The following RPH3A variants were observed in gnomAD, a reference collection of about 807,000 sequenced individuals.
RPH3A encodes rabphilin 3A.
RPH3A carries 48 observed loss-of-function variants against 102.2 expected under a neutral mutation model. The ratio of observed to expected loss-of-function variants is 0.47; its 90% CI spans 0.37 to 0.60. The LOEUF (loss-of-function observed/expected upper bound fraction) is 0.60, where lower values mean the gene tolerates loss of function less well. Among genes scored for constraint, RPH3A ranks in the 20% least tolerant of loss-of-function variants. The pLI is 0.00. For missense variants in RPH3A, 781 were observed against 910.1 expected, an observed-to-expected ratio of 0.86 and a Z score of 1.83; for synonymous variants, 310 against 324.3, an observed-to-expected ratio of 0.96 and a Z score of 0.47.
At chr12:112,790,644 A>G (rs1472593879), upstream of RPH3A, among the ~76,000 whole-genome samples, 1 of 152,238 alleles carries the variant, frequency 6.6e-6, no homozygotes, top group African/African-American at 2.4e-5. Flanking sequence ...ACTGGGAGCC[A>G]TGGGAATCCA....
chr12:112,697,604 G>T (rs528106384), intron 1 of RPH3A, among the ~76,000 whole-genome samples: 1 of 152,242 alleles, frequency 6.6e-6, no homozygotes, highest in South Asian at 2.1e-4. Flanking sequence ...GGTGACTCAC[G>T]CCTGAATCCC....
intron 1 of RPH3A, among the ~76,000 whole-genome samples, chr12:112,745,768 C>A (rs191817019): frequency 1.3e-5 from 2 of 152,304 alleles, no homozygotes; most frequent in African/African-American, 4.8e-5. Flanking sequence ...GGGAGTCTGA[C>A]TGCTCACTCC....
intron 1 of RPH3A, among the ~76,000 whole-genome samples, chr12:112,692,294 T>C (rs1361481435): frequency 6.6e-6 from 1 of 152,218 alleles, no homozygotes; most frequent in Non-Finnish European, 1.5e-5. Context: ...TAATGATACA[T>C]AGTTTCAAAT....
chr12:112,576,572 T>C (rs571644747), intron 1 of RPH3A, among the ~76,000 whole-genome samples: 6 of 152,154 alleles, frequency 3.9e-5, no homozygotes, highest in Non-Finnish European at 7.3e-5. Context: ...GCCAGGCTGG[T>C]CTCAAACTCC....
intron 4 of RPH3A, among the ~76,000 whole-genome samples, chr12:112,843,714 T>C (rs1366528324): frequency 1.3e-5 from 2 of 152,110 alleles, no homozygotes. Flanking sequence ...TCAGTTTTGG[T>C]CACTGAGCTG....
intron 1 of RPH3A, among the ~76,000 whole-genome samples, chr12:112,658,124 G>A (rs1410450720): frequency 6.6e-6 from 1 of 152,026 alleles, no homozygotes; most frequent in East Asian, 1.9e-4. Flanking sequence ...CTTTGATGGA[G>A]GAATAGTGGG....
intron 1 of RPH3A, among the ~76,000 whole-genome samples, chr12:112,765,141 G>A (rs2040879412): frequency 6.6e-6 from 1 of 151,156 alleles, no homozygotes; most frequent in African/African-American, 2.5e-5. Context: ...CCTGCTGCGT[G>A]TCTGCATGGT....
At chr12:112,839,584 A>T (rs185597625) in intron 4 of RPH3A, among the ~76,000 whole-genome samples, 1 of 152,326 alleles carries the variant, frequency 6.6e-6, no homozygotes, top group African/African-American at 2.4e-5. Context: ...AGTAAACAGA[A>T]ACACACAAGG....
chr12:112,751,398 G>C (rs1229981439), intron 1 of RPH3A, among the ~76,000 whole-genome samples: 1 of 152,144 alleles, frequency 6.6e-6, no homozygotes, highest in Non-Finnish European at 1.5e-5. Context: ...GACGTTGAAA[G>C]GTTACACACC....
intron 1 of RPH3A, among the ~76,000 whole-genome samples, chr12:112,581,281 TAGAG>T (rs982810798): frequency 1.3e-5 from 2 of 152,058 alleles, no homozygotes; most frequent in African/African-American, 4.8e-5. Flanking sequence ...TGGCAGGCCA[TAGAG>T]AGAGCATGTG....
At chr12:112,589,898 C>T (rs763567562) in intron 1 of RPH3A, among the ~76,000 whole-genome samples, 5 of 152,184 alleles carry the variant, frequency 3.3e-5, no homozygotes, top group South Asian at 2.1e-4. Context: ...GCTTGGCCAA[C>T]GTAGTGAAAT....
At chr12:112,835,836 C>T (rs536705641) in intron 3 of RPH3A, among the ~76,000 whole-genome samples, 12 of 149,278 alleles carry the variant, frequency 8.0e-5, no homozygotes, top group African/African-American at 2.5e-4. Context: ...GAAATGAATG[C>T]GTTTTCTTCT....
rs577799475 is a variant in RPH3A, at chr12:112,773,105, A to ATT, written c.-139-19037_-139-19036dup. ...CTGCATAGTATTCCATCATATATAT[A>ATT]TTATATATATATGGTCTATATATGT... On this transcript the variant is annotated intron_variant, in intron 1 of 21. Coordinates refer to the RPH3A transcript ENST00000543106. Among the ~76,000 whole-genome samples the ATT allele has an allele frequency of 3.4e-3, 516 of 151,970 alleles. 2 individuals are homozygous for ATT. Among genetic ancestry groups the ATT allele is most frequent in the African/African-American group, 0.012 (490 of 41,430 alleles).
chr12:112,725,291 G>GAAAAAAA (rs2040580313), intron 1 of RPH3A, among the ~76,000 whole-genome samples: 1 of 134,356 alleles, frequency 7.4e-6, no homozygotes, highest in Admixed American at 7.6e-5. Context: ...ACGTTTTAAT[G>GAAAAAAA]AATAAATGCA....
At chr12:112,825,859 G>C (rs1264795981) in intron 2 of RPH3A, among the ~76,000 whole-genome samples, 1 of 152,104 alleles carries the variant, frequency 6.6e-6, no homozygotes, top group East Asian at 1.9e-4. Context: ...TCAGAGTAAA[G>C]GAGGCCAGAA....
chr12:112,614,406 G>A (rs998454336), intron 1 of RPH3A, among the ~76,000 whole-genome samples: 9 of 151,852 alleles, frequency 5.9e-5, no homozygotes, highest in African/African-American at 1.7e-4. Context: ...TTGTGGGGCT[G>A]GGCATGGTGG....
rs180977398 is a variant in RPH3A, at chr12:112,628,631, A to G, written c.-140+53312A>G. Among the ~76,000 whole-genome samples, 367 of 137,124 alleles carry G rather than the reference A, an allele frequency of 2.7e-3. 3 individuals carry two copies. Among genetic ancestry groups the G allele is most frequent in the African/African-American group, 9.1e-3 (341 of 37,384 alleles). 90.0% of individuals were successfully genotyped at this position (137,124 alleles called of 152,430 possible). On this transcript the variant is annotated intron_variant, in intron 1 of 21. Coordinates refer to the RPH3A transcript ENST00000543106. ...AAAAATCAGCAGGGTGGGGTGGTGC[A>G]TATCTGTAGTCCCAGCTACTCAAGG...
chr12:112,587,218 G>A (rs1273818996), intron 1 of RPH3A, among the ~76,000 whole-genome samples: 1 of 152,160 alleles, frequency 6.6e-6, no homozygotes, highest in Non-Finnish European at 1.5e-5. Flanking sequence ...GTCAACTCTT[G>A]GGTCAAAGGG....
chr12:112,802,816 C>T (rs2041380824), intron 2 of RPH3A, among the ~76,000 whole-genome samples: 1 of 151,970 alleles, frequency 6.6e-6, no homozygotes, highest in African/African-American at 2.4e-5. Context: ...CCTCTGTCCA[C>T]TCCCCAGGGC....
Sources: allele counts gnomAD v4.1 joint callset (sites outside exome capture counted in the v4.1 genomes callset), GRCh38; gene constraint gnomAD v4.1.1; transcripts MANE v1.5; gene names NCBI Gene and HGNC (gene_info 2026-07-23, HGNC 2026-07-21).